PTPRM: variants seen among roughly 807,000 people sequenced by gnomAD.
The protein encoded by PTPRM is protein tyrosine phosphatase receptor type M.
A neutral mutation model predicts 186.7 loss-of-function variants in PTPRM; 47 were observed. The ratio of observed to expected loss-of-function variants is 0.25; its 90% CI spans 0.20 to 0.32. PTPRM has a LOEUF of 0.32. PTPRM is among the 10% of genes least tolerant of loss of function. PTPRM has a pLI of 1.00. For missense variants in PTPRM, 1,494 were observed against 1,865.0 expected (o/e 0.80, Z 3.66); for synonymous variants, 668 against 674.9 (o/e 0.99, Z 0.16).
intron 1 of PTPRM, among the ~76,000 whole-genome samples, chr18:7,654,246 T>C (rs375536013): frequency 2.0e-5 from 3 of 152,142 alleles, no homozygotes; most frequent in East Asian, 1.9e-4. Context: ...GCTTGCAAAA[T>C]TTTTCTCCCA....
chr18:7,600,481 A>G (rs1265930565), intron 1 of PTPRM, among the ~76,000 whole-genome samples: 1 of 152,238 alleles, frequency 6.6e-6, no homozygotes, highest in Non-Finnish European at 1.5e-5. Context: ...CACTGACTTT[A>G]CTTGCAAATG....
intron 1 of PTPRM, among the ~76,000 whole-genome samples, chr18:7,678,701 C>T (rs1048264982): frequency 9.2e-5 from 14 of 152,222 alleles, no homozygotes; most frequent in African/African-American, 3.1e-4. Flanking sequence ...TTTTTTATTT[C>T]GTATTTCAGA....
intron 23 of PTPRM, 125 bp from the exon 24 acceptor site, chr18:8,370,765 C>A: frequency 1.8e-6 from 1 of 561,164 alleles, no homozygotes; most frequent in Non-Finnish European, 3.2e-6. Flanking sequence ...ATAGACCTTC[C>A]TCTTGAGTAT....
chr18:7,596,147 A>G (rs1444941855), intron 1 of PTPRM, among the ~76,000 whole-genome samples: 1 of 152,102 alleles, frequency 6.6e-6, no homozygotes, highest in Non-Finnish European at 1.5e-5. Context: ...TGGGGCCCTT[A>G]TGAAGTGAAA....
At chr18:7,837,578 C>G (rs180776573) in intron 2 of PTPRM, among the ~76,000 whole-genome samples, 1 of 152,210 alleles carries the variant, frequency 6.6e-6, no homozygotes, top group African/African-American at 2.4e-5. Context: ...CCTCAGCCTC[C>G]TGAGTACCTG....
chr18:8,360,224 A>G (rs28654185), intron 23 of PTPRM, among the ~76,000 whole-genome samples: 3,593 of 152,302 alleles, frequency 0.024, 143 homozygotes, highest in African/African-American at 0.082. Flanking sequence ...TAGGCTACAG[A>G]CAACCAGAAT....
At chr18:8,372,731 A>C (rs1043541218) in intron 24 of PTPRM, among the ~76,000 whole-genome samples, 8 of 152,204 alleles carry the variant, frequency 5.3e-5, no homozygotes, top group African/African-American at 1.7e-4. Flanking sequence ...GAAAAAAAAA[A>C]AAACACATGG....
chr18:8,138,537 T>G (rs1368462920), intron 13 of PTPRM, among the ~76,000 whole-genome samples: 1 of 152,132 alleles, frequency 6.6e-6, no homozygotes, highest in African/African-American at 2.4e-5. Flanking sequence ...GTTCTGGTCC[T>G]CAGTCTCCCC....
At chr18:8,163,323 A>G (rs191998957) in intron 14 of PTPRM, among the ~76,000 whole-genome samples, 5 of 152,102 alleles carry the variant, frequency 3.3e-5, no homozygotes, top group African/African-American at 1.2e-4. Context: ...TCAGGATGCT[A>G]GCCTGATTTT....
chr18:8,276,002 T>A (rs945442341), intron 19 of PTPRM, among the ~76,000 whole-genome samples: 1 of 152,136 alleles, frequency 6.6e-6, no homozygotes, highest in Admixed American at 6.5e-5. Context: ...TTGGGTCATG[T>A]CCACATTTTC....
intron 7 of PTPRM, among the ~76,000 whole-genome samples, chr18:8,054,023 GGT>G (rs2087707515): frequency 6.6e-6 from 1 of 151,816 alleles, no homozygotes; most frequent in Non-Finnish European, 1.5e-5. Context: ...ATAACTTGTA[GGT>G]CCTGCTTGTT....
At chr18:7,576,656 T>C (rs1300102308) in intron 1 of PTPRM, among the ~76,000 whole-genome samples, 4 of 151,958 alleles carry the variant, frequency 2.6e-5, no homozygotes, top group Admixed American at 6.6e-5. Context: ...AAGAAAAAAA[T>C]TGATAGAGAT....
intron 1 of PTPRM, among the ~76,000 whole-genome samples, chr18:7,639,386 A>G (rs2038392784): frequency 1.6e-5 from 2 of 124,280 alleles, no homozygotes; most frequent in South Asian, 5.3e-4. Context: ...GTATTATTCT[A>G]TATGCTTTTT....
chr18:8,158,158 A>G (rs2093160788), intron 14 of PTPRM, among the ~76,000 whole-genome samples: 2 of 152,246 alleles, frequency 1.3e-5, no homozygotes, highest in Admixed American at 1.3e-4. Flanking sequence ...ATAGCTTATT[A>G]AAACTGGTTC....
At chr18:8,057,610 C>A (rs866386825) in intron 7 of PTPRM, among the ~76,000 whole-genome samples, 1 of 104,136 alleles carries the variant, frequency 9.6e-6, no homozygotes, top group Admixed American at 9.8e-5. Context: ...CCCCTCCCCC[C>A]ACCCCACCAC....
chr18:8,119,902 A>G (rs1372245547), intron 13 of PTPRM, among the ~76,000 whole-genome samples: 1 of 152,148 alleles, frequency 6.6e-6, no homozygotes, highest in East Asian at 1.9e-4. Context: ...TTTGAAGACA[A>G]TATCTGGAGC....
At chr18:7,941,511 T>G (rs1044292474) in intron 5 of PTPRM, among the ~76,000 whole-genome samples, 1 of 152,266 alleles carries the variant, frequency 6.6e-6, no homozygotes, top group African/African-American at 2.4e-5. Context: ...ATGTTTATCT[T>G]GTTTTAATTT....
chr18:7,598,794 T>C (rs2143716468), intron 1 of PTPRM, among the ~76,000 whole-genome samples: 1 of 151,960 alleles, frequency 6.6e-6, no homozygotes, highest in Middle Eastern at 3.4e-3. Context: ...TTTTTTTTTT[T>C]TTTTTTAAGG....
intron 2 of PTPRM, among the ~76,000 whole-genome samples, chr18:7,842,363 C>T (rs142911450): frequency 1.5e-4 from 23 of 152,264 alleles, no homozygotes; most frequent in African/African-American, 4.3e-4. Context: ...TGGGCGTTAA[C>T]TCAAGCCACC....
Sources: allele counts gnomAD v4.1 joint callset (sites outside exome capture counted in the v4.1 genomes callset), GRCh38; gene constraint gnomAD v4.1.1; transcripts MANE v1.5; gene names NCBI Gene and HGNC (gene_info 2026-07-23, HGNC 2026-07-21).